The following PTPRE variants were observed in gnomAD, a reference collection of about 807,000 sequenced individuals.
PTPRE encodes the protein protein tyrosine phosphatase receptor type E, also known as receptor-type tyrosine-protein phosphatase epsilon.
PTPRE carries 51 observed loss-of-function variants against 102.0 expected under a neutral mutation model. That is an observed-to-expected ratio of 0.50 (90% CI 0.40 to 0.63). PTPRE has a LOEUF of 0.63. Among genes scored for constraint, PTPRE ranks in the 30% least tolerant of loss-of-function variants. The pLI is 0.00. For synonymous variants in PTPRE, 345 were observed against 348.2 expected (o/e 0.99, Z 0.10); for missense variants, 752 against 915.1 (o/e 0.82, Z 2.30).
rs573585811 is a variant in PTPRE at position 127,929,206 on chromosome 10, C to T, written c.-31+21897C>T. Among the ~76,000 whole-genome samples the T allele has an allele frequency of 1.1e-4, 16 of 152,204 alleles. 2 individuals carry two copies. The highest frequency in any genetic ancestry group is 2.6e-4 in the African/African-American group (11 of 41,544). On this transcript the variant is annotated intron_variant, in intron 1 of 20. Coordinates refer to ENST00000254667, the MANE Select transcript of PTPRE (RefSeq NM_006504.6). Reference sequence around the variant, plus strand: ...ATTAGGGGGTACTTTGCATTCACAGCGGCTTATGTAATTAGGTTCAGTCAA... The same window carrying T: ...ATTAGGGGGTACTTTGCATTCACAGTGGCTTATGTAATTAGGTTCAGTCAA...
intron 2 of PTPRE, among the ~76,000 whole-genome samples, chr10:127,988,030 G>T (rs561380223): frequency 6.6e-6 from 1 of 152,324 alleles, no homozygotes; most frequent in African/African-American, 2.4e-5. Context: ...CTGCCTAAGG[G>T]GTGGCATCAT....
chr10:128,064,460 C>T (rs533844404), intron 10 of PTPRE, among the ~76,000 whole-genome samples: 22 of 152,214 alleles, frequency 1.4e-4, no homozygotes, highest in Non-Finnish European at 2.6e-4. Context: ...ACTCTGCCTG[C>T]GCTGTAGCGG....
In PTPRE at chr10:128,085,294, C is replaced by T. The variant is rs933786438; in HGVS notation, c.*2388C>T. On this transcript the variant is annotated 3_prime_UTR_variant, in exon 21 of 21. Coordinates refer to ENST00000254667, the MANE Select transcript of PTPRE (RefSeq NM_006504.6). ...AACCTGGAAAGTTCATCTCTTGTTT[C>T]CTTCAGTCAAAGAAAGTCCATTGTA... The T allele has an allele frequency of 1.9e-5, 6 of 314,488 alleles. No individual in the cohort carries two copies. The Admixed American group carries it at 2.0e-4, about 10-fold the overall frequency. 19.5% of individuals were successfully genotyped at this position (314,488 alleles called of 1,614,324 possible). A position where few individuals can be genotyped will look rare whatever the true frequency, so the allele number is the denominator to read the frequency against.
chr10:127,911,666 T>C (rs1845877111), intron 1 of PTPRE, among the ~76,000 whole-genome samples: 1 of 152,186 alleles, frequency 6.6e-6, no homozygotes, highest in Non-Finnish European at 1.5e-5. Context: ...GAAGGGCTGC[T>C]GACTCCGTAC....
intron 2 of PTPRE, among the ~76,000 whole-genome samples, chr10:127,985,386 C>A (rs1851999584): frequency 6.6e-6 from 1 of 152,196 alleles, no homozygotes; most frequent in Non-Finnish European, 1.5e-5. Flanking sequence ...AGTTCAAGAC[C>A]AGCCTGGCCA....
At chr10:128,047,595 T>G in intron 4 of PTPRE, 106 bp downstream of exon 4, 3 of 1,612,590 alleles carry the variant, frequency 1.9e-6, no homozygotes, top group Non-Finnish European at 2.5e-6. Flanking sequence ...GCTGAGAGGC[T>G]GGGTGGCTGG....
At position 127,907,404 on chromosome 10, in the gene PTPRE, C is replaced by A; in HGVS notation, c.-31+95C>A. The A allele has an allele frequency of 9.7e-6, 9 of 931,134 alleles. No homozygotes were observed. Among genetic ancestry groups the A allele is most frequent in the Non-Finnish European group, 1.2e-5 (9 of 781,172 alleles). The allele number at this position is 931,134 out of a possible 1,614,324, so 57.7% of individuals were successfully genotyped here. On this transcript the variant is annotated intron_variant, in intron 1 of 20. Transcript: ENST00000254667. This position sits in a 1 kb window ranked among gnomAD's most constrained non-coding sequence, Gnocchi z 4.8. ...GCCGGGGCGCTGCCTCGGCCGCTGC[C>A]GCGGGAGGGAGGGGCCGCTCCGGGG...
At chr10:128,026,980 A>G (rs1475701796) in intron 2 of PTPRE, among the ~76,000 whole-genome samples, 1 of 152,252 alleles carries the variant, frequency 6.6e-6, no homozygotes, top group African/African-American at 2.4e-5. Flanking sequence ...GTAACAAATA[A>G]TCATTTTGCC....
intron 1 of PTPRE, among the ~76,000 whole-genome samples, chr10:127,911,256 G>A (rs746832579): frequency 6.6e-6 from 1 of 152,194 alleles, no homozygotes. Context: ...AATTTTGCGT[G>A]ATTAAGTATT....
intron 3 of PTPRE, among the ~76,000 whole-genome samples, chr10:128,046,830 C>T (rs989677822): frequency 2.6e-5 from 4 of 152,306 alleles, no homozygotes; most frequent in African/African-American, 9.6e-5. Context: ...GTACAAAGGA[C>T]ACAGTAAGAG....
At chr10:127,985,962 G>T (rs1239851897) in intron 2 of PTPRE, among the ~76,000 whole-genome samples, 1 of 151,648 alleles carries the variant, frequency 6.6e-6, no homozygotes, top group Non-Finnish European at 1.5e-5. Flanking sequence ...GTGGTGGCGG[G>T]TGCCTGTAAT....
rs536116028 is a variant in PTPRE at position 128,076,480 on chromosome 10, G to T, written c.1600-123G>T. On this transcript the variant is annotated intron_variant, in intron 17 of 20. Transcript: ENST00000254667. ...CAGGCATTTATATTCATATTCATAT[G>T]TTTTTTTTTTTGGTCAGATGAAATA... 6.3e-4 allele frequency: 501 copies of T among 798,396 alleles called. No individual in the cohort carries two copies. The African/African-American group carries it at 8.3e-3, about 13-fold the overall frequency. The allele number at this position is 798,396 out of a possible 1,614,324, so 49.5% of individuals were successfully genotyped here. A position where few individuals can be genotyped will look rare whatever the true frequency, so the allele number is the denominator to read the frequency against.
intron 1 of PTPRE, among the ~76,000 whole-genome samples, chr10:127,925,416 G>A (rs1012217975): frequency 6.6e-5 from 10 of 152,182 alleles, no homozygotes; most frequent in African/African-American, 9.7e-5. Flanking sequence ...TTCTGACCCC[G>A]GGTGGATTAG....
chr10:127,987,416 G>T (rs1354628421), intron 2 of PTPRE: 9 of 1,124,076 alleles, frequency 8.0e-6, no homozygotes, highest in Non-Finnish European at 8.3e-6. Flanking sequence ...GCTCAGAGGG[G>T]TCTTTCTTGT....
chr10:127,982,343 A>G lies in PTPRE; in HGVS notation c.-8+47A>G, dbSNP rs1279926619. 4.5e-6 allele frequency: 5 copies of G among 1,099,774 alleles called. No homozygotes were observed. The South Asian group carries it at 7.0e-5, about 15-fold the overall frequency. 68.1% of individuals were successfully genotyped at this position (1,099,774 alleles called of 1,614,324 possible). A position where few individuals can be genotyped will look rare whatever the true frequency, so the allele number is the denominator to read the frequency against. On this transcript the variant is annotated intron_variant, in intron 2 of 20. Coordinates refer to ENST00000254667, the MANE Select transcript of PTPRE (RefSeq NM_006504.6). ...AATTATTTTTGATGTACAGATAACT[A>G]GTTTAAAATAATATGTGGGATTTAA...
intron 2 of PTPRE, among the ~76,000 whole-genome samples, chr10:128,024,878 T>C (rs908558847): frequency 5.7e-4 from 87 of 152,284 alleles, no homozygotes; most frequent in African/African-American, 1.9e-3. Context: ...TAAGAAAGCA[T>C]TGAGCAGTGG....
In PTPRE at chr10:127,953,322, C is replaced by G. The variant is rs55740954; in HGVS notation, c.-30-28952C>G. On this transcript the variant is annotated intron_variant, in intron 1 of 20. Coordinates refer to ENST00000254667, the MANE Select transcript of PTPRE (RefSeq NM_006504.6). ...CTATAGGTAAATCACGGTGAAGGCT[C>G]TTAGGATTTTTGAGAAAGGCCCGGC... Among the ~76,000 whole-genome samples the G allele has an allele frequency of 2.4e-3, 362 of 152,298 alleles. 3 individuals are homozygous for G. The highest frequency in any genetic ancestry group is 8.3e-3 in the African/African-American group (347 of 41,558).
intron 1 of PTPRE, among the ~76,000 whole-genome samples, chr10:127,963,556 G>A (rs1243222946): frequency 2.0e-5 from 3 of 152,204 alleles, no homozygotes; most frequent in Admixed American, 2.0e-4. Context: ...TTTACAGTGT[G>A]TATAGGCAGA....
chr10:128,029,288 C>T (rs1846527109), intron 2 of PTPRE, among the ~76,000 whole-genome samples: 1 of 152,188 alleles, frequency 6.6e-6, no homozygotes, highest in African/African-American at 2.4e-5. Context: ...TACAGGTTTC[C>T]AAGCTGCTGC....
Sources: gnomAD v4.1 joint callset for allele counts (sites outside exome capture counted in the v4.1 genomes callset) on GRCh38, gnomAD v4.1.1 for gene constraint, Gnocchi (gnomAD v3.1) non-coding constraint, MANE v1.5 for transcripts, NCBI Gene and HGNC (gene_info 2026-07-23, HGNC 2026-07-21) for gene names.